SHISA9: variants seen among roughly 807,000 people sequenced by gnomAD.
The protein encoded by SHISA9 is protein shisa-9.
Under a neutral mutation model 38.0 loss-of-function variants are expected in SHISA9, and 13 were observed. The ratio of observed to expected loss-of-function variants is 0.34; its 90% CI spans 0.22 to 0.54. SHISA9 has a LOEUF of 0.54. SHISA9 is among the 20% of genes least tolerant of loss of function. The pLI is 0.91. For missense variants in SHISA9, 538 were observed against 575.8 expected (o/e 0.93, Z 0.67); for synonymous variants, 275 against 242.0 (o/e 1.14, Z -1.27).
At chr16:12,903,519 A>T (rs376252678) in intron 1 of SHISA9, among the ~76,000 whole-genome samples, 23 of 41,736 alleles carry the variant, frequency 5.5e-4, no homozygotes, top group African/African-American at 1.0e-3. Flanking sequence ...CTTTTTTTAA[A>T]TTTTTTTTAT....
chr16:13,417,198 C>G, the SHISA9 span, among the ~76,000 whole-genome samples: 1 of 152,146 alleles, frequency 6.6e-6, no homozygotes, highest in Non-Finnish European at 1.5e-5. Flanking sequence ...TTAACATCAG[C>G]ACGGGATTCA....
the SHISA9 span, among the ~76,000 whole-genome samples, chr16:13,409,608 A>C: frequency 3.3e-5 from 5 of 152,208 alleles, no homozygotes; most frequent in African/African-American, 9.7e-5. Context: ...GGCAGCTTAT[A>C]GTGACTTAAC....
At chr16:12,917,401 TC>T (rs2071272397) in intron 2 of SHISA9, among the ~76,000 whole-genome samples, 2 of 152,118 alleles carry the variant, frequency 1.3e-5, no homozygotes, top group Non-Finnish European at 2.9e-5. Context: ...GATTTGAGGT[TC>T]CTCTGTATGA....
chr16:13,394,784 G>A, the SHISA9 span, among the ~76,000 whole-genome samples: 3 of 152,202 alleles, frequency 2.0e-5, no homozygotes, highest in Non-Finnish European at 4.4e-5. Context: ...TTTAATTGCT[G>A]TAGAAGAATC....
chr16:12,954,272 G>T (rs1206931624), intron 2 of SHISA9, among the ~76,000 whole-genome samples: 1 of 152,188 alleles, frequency 6.6e-6, no homozygotes, highest in African/African-American at 2.4e-5. Context: ...ATGGCATAGG[G>T]AGCATGTGGG....
intron 2 of SHISA9, among the ~76,000 whole-genome samples, chr16:12,919,525 T>C (rs1418890068): frequency 6.6e-6 from 1 of 152,232 alleles, no homozygotes; most frequent in Non-Finnish European, 1.5e-5. Flanking sequence ...TCTCTTCTTA[T>C]CTTAATATTA....
At chr16:13,218,024 AAGGGAGGG>A (rs34282111) in intron 4 of SHISA9, among the ~76,000 whole-genome samples, 1 of 138,894 alleles carries the variant, frequency 7.2e-6, no homozygotes, top group African/African-American at 2.6e-5. Context: ...GGAAGGAAGG[AAGGGAGGG>A]AGGGAGGGAG....
intron 2 of SHISA9, among the ~76,000 whole-genome samples, chr16:13,113,952 G>A (rs1286548914): frequency 6.6e-6 from 1 of 152,112 alleles, no homozygotes. Context: ...CATTCATTCA[G>A]CAAAGCGCTT....
chr16:12,936,840 T>C lies in SHISA9; in HGVS notation c.691+20025T>C, dbSNP rs987659111. Among the ~76,000 whole-genome samples the C allele has an allele frequency of 6.6e-5, 10 of 152,186 alleles. 1 individual carries two copies. The highest frequency in any genetic ancestry group is 2.4e-4 in the African/African-American group (10 of 41,450). ...CTCGGTGCCTATGAATGATGCCATA[T>C]GGCTCCTGCTTGTTTACAGATTTGT... On this transcript the variant is annotated intron_variant, in intron 2 of 4. Transcript: ENST00000558583.
At chr16:13,197,789 G>A (rs1379330235) in intron 2 of SHISA9, 1 of 152,240 alleles carries the variant, frequency 6.6e-6, no homozygotes, top group Non-Finnish European at 1.5e-5. Flanking sequence ...TTTCCACAGA[G>A]GTGGGTAAGA....
the SHISA9 span, among the ~76,000 whole-genome samples, chr16:13,255,662 C>G: frequency 6.6e-6 from 1 of 152,218 alleles, no homozygotes; most frequent in Non-Finnish European, 1.5e-5. Context: ...CTGCAAATTT[C>G]ATGCTCTAAA....
intron 2 of SHISA9, among the ~76,000 whole-genome samples, chr16:13,161,163 A>T (rs372073313): frequency 3.9e-5 from 6 of 152,120 alleles, no homozygotes; most frequent in African/African-American, 1.4e-4. Flanking sequence ...ATTATAGTCT[A>T]TTGTGCTCCA....
the SHISA9 span, among the ~76,000 whole-genome samples, chr16:13,466,558 A>AGTT: frequency 1.9e-4 from 29 of 152,230 alleles, no homozygotes; most frequent in East Asian, 3.9e-4. Context: ...CAGAATGGGT[A>AGTT]GTTGTTGTTG....
intron 2 of SHISA9, among the ~76,000 whole-genome samples, chr16:13,019,868 CTCCCTCCCTCCCTCCCTTCTTTCT>C (rs1451980657): frequency 2.1e-4 from 7 of 33,838 alleles, no homozygotes; most frequent in East Asian, 1.8e-3. Flanking sequence ...CCCTCCCTCC[CTCCCTCCCTCCCTCCCTTCTTTCT>C]TTCTTTCTTT....
chr16:13,001,496 G>A (rs1161781373), intron 2 of SHISA9, among the ~76,000 whole-genome samples: 1 of 152,146 alleles, frequency 6.6e-6, no homozygotes, highest in Non-Finnish European at 1.5e-5. Flanking sequence ...CTCCTCTAGA[G>A]AATTTAAAAT....
the SHISA9 span, among the ~76,000 whole-genome samples, chr16:13,478,775 T>A: frequency 1.3e-5 from 2 of 152,164 alleles, no homozygotes; most frequent in Middle Eastern, 3.4e-3. Flanking sequence ...AAAGAAAGGG[T>A]GTTAAGAATG....
chr16:13,181,103 A>G (rs972802265), intron 2 of SHISA9, among the ~76,000 whole-genome samples: 2 of 151,856 alleles, frequency 1.3e-5, no homozygotes, highest in Non-Finnish European at 2.9e-5. Context: ...GCAAATAAAT[A>G]TATACATTTT....
At chr16:13,453,598 C>A in the SHISA9 span, among the ~76,000 whole-genome samples, 1 of 152,236 alleles carries the variant, frequency 6.6e-6, no homozygotes, top group African/African-American at 2.4e-5. Context: ...AGCCAGCCCC[C>A]AGACAACCCT....
At chr16:13,147,725 G>A (rs778420748) in intron 2 of SHISA9, among the ~76,000 whole-genome samples, 1 of 152,210 alleles carries the variant, frequency 6.6e-6, no homozygotes, top group African/African-American at 2.4e-5. Flanking sequence ...GCCTCCCAAA[G>A]TGTGGGACTA....
Sources: gnomAD v4.1 joint callset for allele counts (sites outside exome capture counted in the v4.1 genomes callset) on GRCh38, gnomAD v4.1.1 for gene constraint, MANE v1.5 for transcripts, NCBI Gene and HGNC (gene_info 2026-07-23, HGNC 2026-07-21) for gene names.